The following PPAT variants were observed in gnomAD, a reference collection of about 807,000 sequenced individuals.
The protein encoded by PPAT is phosphoribosyl pyrophosphate amidotransferase.
In PPAT, 20 loss-of-function variants were observed where a neutral mutation model predicts 60.2. The ratio of observed to expected loss-of-function variants is 0.33; its 90% CI spans 0.23 to 0.48. The LOEUF (loss-of-function observed/expected upper bound fraction) is 0.48, where lower values mean the gene tolerates loss of function less well. PPAT is among the 20% of genes least tolerant of loss of function. The pLI is 0.99. For synonymous variants in PPAT, 194 were observed against 215.1 expected (o/e 0.90, Z 0.86); for missense variants, 349 against 629.6 (o/e 0.55, Z 4.77).
At chr4:56,406,752 G>GTCTGTT in intron 2 of PPAT, 51 bp from the exon 3 acceptor site, 1 of 1,292,616 alleles carries the variant, frequency 7.7e-7, no homozygotes, top group African/African-American at 1.5e-5. Context: ...AGTACTGCTA[G>GTCTGTT]TAATAAACGC....
At chr4:56,429,497 T>C (rs1717469598) in intron 1 of PPAT, among the ~76,000 whole-genome samples, 1 of 152,080 alleles carries the variant, frequency 6.6e-6, no homozygotes, top group African/African-American at 2.4e-5. Context: ...AAAGATAATA[T>C]AATGCAATAT....
chr4:56,428,350 T>C (rs973487053), intron 1 of PPAT, among the ~76,000 whole-genome samples: 1 of 152,042 alleles, frequency 6.6e-6, no homozygotes, highest in South Asian at 2.1e-4. Flanking sequence ...ATTGATATGG[T>C]CTGATGAAAA....
intron 7 of PPAT, 52 bp downstream of exon 7, chr4:56,401,278 G>A (rs1216908356): frequency 2.7e-6 from 4 of 1,475,784 alleles, no homozygotes; most frequent in Non-Finnish European, 3.7e-6. Context: ...CATGTTTCAA[G>A]GAGATAGCTA....
Position 56,407,637 on chromosome 4 carries a change from A to G in PPAT, c.195+13T>C, listed in dbSNP as rs775519368. On this transcript the variant is annotated intron_variant, in intron 2 of 10. Transcript: ENST00000264220. ...TTGGTCTGTCATCAACATTTCTTAA[A>G]GTTCAAATTTACCTTGTGTGATTTG... is the stretch of plus-strand genomic sequence containing the variant. 3.3e-5 allele frequency: 52 copies of G among 1,586,232 alleles called. No individual in the cohort carries two copies. Among genetic ancestry groups the G allele is most frequent in the East Asian group, 4.5e-5 (2 of 44,790 alleles).
rs757843468 is a variant in PPAT, at chr4:56,407,690, G to A, written c.155C>T (p.Thr52Ile). ...TGTTGGCACCGAACTCCCATCACTA[G>A]TCACAATACCAGCACTCTCCTGACC... is the stretch of plus-strand genomic sequence containing the variant. The part of the protein sequence containing the change: ...HRGQESAGIV[T>I]SDGSSVPTFK... Residue 52 changes from threonine to isoleucine, a missense_variant, in exon 2 of 11, where the codon ACT (threonine) becomes ATT (isoleucine). Physicochemically the swap from Thr to Ile is moderately conservative, Grantham distance 89. Transcript: ENST00000264220. 38 of 1,606,122 alleles carry A rather than the reference G, an allele frequency of 2.4e-5. No homozygotes were observed. The highest frequency in any genetic ancestry group is 3.2e-5 in the Non-Finnish European group (37 of 1,172,528).
chr4:56,430,817 C>G (rs1298251892), intron 1 of PPAT, among the ~76,000 whole-genome samples: 1 of 151,718 alleles, frequency 6.6e-6, no homozygotes, highest in Admixed American at 6.6e-5. Context: ...GAAACAGACT[C>G]AGAAGTTAGA....
At chr4:56,395,795 G>T (rs1715955241) in intron 10 of PPAT, among the ~76,000 whole-genome samples, 1 of 152,018 alleles carries the variant, frequency 6.6e-6, no homozygotes, top group African/African-American at 2.4e-5. Context: ...GTCTAGAATG[G>T]AATTAGAGGG....
At chr4:56,434,879 G>A (rs1015158956) in intron 1 of PPAT, among the ~76,000 whole-genome samples, 17 of 152,328 alleles carry the variant, frequency 1.1e-4, no homozygotes, top group African/African-American at 4.1e-4. Context: ...CTCTGCCCTT[G>A]CAAACAAAAG....
Position 56,395,302 on chromosome 4 carries a change from C to G in PPAT, c.*50G>C. On this transcript the variant is annotated 3_prime_UTR_variant, in exon 11 of 11. Transcript: ENST00000264220. Reference sequence around the variant, plus strand: ...AATAGATGAGGTGTGACCACTATAACTTCTTGACCAACTTTCTATCTTGAA... The same window carrying G: ...AATAGATGAGGTGTGACCACTATAAGTTCTTGACCAACTTTCTATCTTGAA... 1 of 1,502,752 alleles carries G rather than the reference C, an allele frequency of 6.7e-7. No homozygotes were observed. The highest frequency in any genetic ancestry group is 1.2e-5 in the South Asian group (1 of 82,452). 93.1% of individuals were successfully genotyped at this position (1,502,752 alleles called of 1,614,324 possible).
chr4:56,428,291 T>C (rs1201952638), intron 1 of PPAT, among the ~76,000 whole-genome samples: 1 of 151,994 alleles, frequency 6.6e-6, no homozygotes, highest in African/African-American at 2.4e-5. Flanking sequence ...ATTATAACAG[T>C]GAGTAACACA....
Position 56,406,674 on chromosome 4 carries a change from T to TA in PPAT, c.222dup (p.Thr75TyrfsTer2), listed in dbSNP as rs765350710. 6.2e-7 allele frequency: 1 copy of TA among 1,611,838 alleles called. No individual in the cohort carries two copies. The highest frequency in any genetic ancestry group is 1.1e-5 in the South Asian group (1 of 91,036). The stretch of plus-strand genomic sequence containing the variant: ...TATAATTTTTTCAAATTGTCTTCAG[T>TA]AAAGACGTGATTTACAAGACCCATT... On this transcript the variant is annotated frameshift_variant, in exon 3 of 11. Coordinates refer to ENST00000264220, the MANE Select transcript of PPAT (RefSeq NM_002703.5). LOFTEE classifies it high-confidence loss of function.
intron 1 of PPAT, among the ~76,000 whole-genome samples, chr4:56,425,723 G>C (rs185260367): frequency 1.3e-5 from 2 of 152,268 alleles, no homozygotes; most frequent in African/African-American, 2.4e-5. Flanking sequence ...GAAAAAGACC[G>C]ACCATGTGAT....
In PPAT at chr4:56,401,024, A is replaced by G; in HGVS notation, c.887-113T>C. On this transcript the variant is annotated intron_variant, in intron 7 of 10. Transcript: ENST00000264220. ...GATTGAGTATAAAAAGAAATGCAAT[A>G]TATACAAAAATATGAATGTGAAAAT... 3 of 1,086,636 alleles carry G rather than the reference A, an allele frequency of 2.8e-6. 1 individual carries two copies. Among genetic ancestry groups the G allele is most frequent in the South Asian group, 3.7e-5 (2 of 54,582 alleles). 67.3% of individuals were successfully genotyped at this position (1,086,636 alleles called of 1,614,324 possible).
intron 1 of PPAT, among the ~76,000 whole-genome samples, chr4:56,417,853 T>G (rs551966701): frequency 7.5e-4 from 113 of 151,202 alleles, no homozygotes; most frequent in African/African-American, 2.7e-3. Flanking sequence ...TTTTTTTTTT[T>G]TTTTTTGAGA....
chr4:56,418,901 G>A lies in PPAT; in HGVS notation c.129-11185C>T, dbSNP rs1445430760. Among the ~76,000 whole-genome samples, 5 of 152,284 alleles carry A rather than the reference G, an allele frequency of 3.3e-5. No homozygotes were observed. In the South Asian group the frequency reaches 1.0e-3, roughly 32 times the overall value. ...AACTAAGTGGAGACATACTGCCTAGGAACAAGGCATTATGAAATTTCTGAC... is the reference window on the plus strand; with the variant it reads ...AACTAAGTGGAGACATACTGCCTAGAAACAAGGCATTATGAAATTTCTGAC... On this transcript the variant is annotated intron_variant, in intron 1 of 10. Transcript: ENST00000264220.
rs928005603 is a variant in PPAT, at chr4:56,394,293, TAAAC to T, written c.*1055_*1058del. Reference sequence around the variant, plus strand: ...CCAAAGTGGTTGTCTCTTTGATCCTTAAACAAAACTGGCCCCTATTGTGTCTGTA... The same window carrying T: ...CCAAAGTGGTTGTCTCTTTGATCCTTAAAACTGGCCCCTATTGTGTCTGTA... On this transcript the variant is annotated 3_prime_UTR_variant, in exon 11 of 11. Transcript: ENST00000264220. The T allele has an allele frequency of 6.6e-6, 1 of 152,164 alleles. No individual in the cohort carries two copies. The highest frequency in any genetic ancestry group is 1.5e-5 in the Non-Finnish European group (1 of 68,018). The allele number at this position is 152,164 out of a possible 1,614,324, so 9.4% of individuals were successfully genotyped here.
chr4:56,420,076 ACAT>A, intron 1 of PPAT: 2 of 733,140 alleles, frequency 2.7e-6, no homozygotes, highest in Non-Finnish European at 3.3e-6. Context: ...AATAATCTTA[ACAT>A]CATGTTACAT....
At position 56,394,044 on chromosome 4, in the gene PPAT, A is replaced by T. The variant is rs1310817873; in HGVS notation, c.*1308T>A. On this transcript the variant is annotated 3_prime_UTR_variant, in exon 11 of 11. Transcript: ENST00000264220. ...ATTAAATTTCTAAATGGATCTGGAC[A>T]CTATATACATCAAATTATGGTAACA... 1 of 152,258 alleles carries T rather than the reference A, an allele frequency of 6.6e-6. No homozygotes were observed. The highest frequency in any genetic ancestry group is 1.5e-5 in the Non-Finnish European group (1 of 68,050). 9.4% of individuals were successfully genotyped at this position (152,258 alleles called of 1,614,324 possible).
intron 1 of PPAT, among the ~76,000 whole-genome samples, chr4:56,410,057 T>G (rs1023460697): frequency 1.3e-5 from 2 of 152,216 alleles, no homozygotes; most frequent in Non-Finnish European, 2.9e-5. Flanking sequence ...TGATTTCTTT[T>G]ATTTAGTGAA....
Sources: allele counts gnomAD v4.1 joint callset (sites outside exome capture counted in the v4.1 genomes callset), GRCh38; gene constraint gnomAD v4.1.1; transcripts MANE v1.5; gene names NCBI Gene and HGNC (gene_info 2026-07-23, HGNC 2026-07-21).